The following BCL2L1 variants were observed in gnomAD, a reference collection of about 807,000 sequenced individuals.
The protein encoded by BCL2L1 is bcl-2-like protein 1.
In BCL2L1, 1 loss-of-function variant was observed where a neutral mutation model predicts 18.7. The ratio of observed to expected loss-of-function variants is 0.05; its 90% confidence interval spans 0.02 to 0.25. BCL2L1 has a LOEUF of 0.25. BCL2L1 is among the 10% of genes least tolerant of loss of function. The pLI is 1.00. For missense variants in BCL2L1, 207 were observed against 304.9 expected (o/e 0.68, Z 2.39); for synonymous variants, 103 against 122.7 (o/e 0.84, Z 1.06).
intron 2 of BCL2L1, among the ~76,000 whole-genome samples, chr20:31,678,150 A>G (rs2060794487): frequency 6.6e-6 from 1 of 152,186 alleles, no homozygotes; most frequent in African/African-American, 2.4e-5. Flanking sequence ...TGGGGTAGCA[A>G]TCTCCAAAAA....
intron 2 of BCL2L1, among the ~76,000 whole-genome samples, chr20:31,673,364 G>A (rs1455989606): frequency 2.0e-5 from 3 of 151,760 alleles, no homozygotes; most frequent in African/African-American, 4.8e-5. Flanking sequence ...ATGAGCCACC[G>A]CACCCAGCCC....
Position 31,712,703 on chromosome 20 carries a change from G to A in BCL2L1, c.564+8952C>T, listed in dbSNP as rs555217103. Among the ~76,000 whole-genome samples the A allele has an allele frequency of 5.3e-5, 8 of 152,264 alleles. No homozygotes were observed. In the East Asian group the frequency reaches 1.2e-3, roughly 22 times the overall value. On this transcript the variant is annotated intron_variant, in intron 2 of 2. Transcript: ENST00000307677. ...CCAGGAGGCCAGTCTCTAGGGAAGC[G>A]AGTCAGGCTCCTTGGAAGGGACACT...
At chr20:31,704,830 T>C (rs999125295) in intron 2 of BCL2L1, among the ~76,000 whole-genome samples, 4 of 152,230 alleles carry the variant, frequency 2.6e-5, no homozygotes, top group African/African-American at 7.2e-5. Context: ...AAAGCTAGCC[T>C]ACAGGAACTG....
intron 2 of BCL2L1, among the ~76,000 whole-genome samples, chr20:31,689,674 G>C (rs908976777): frequency 1.5e-5 from 2 of 132,222 alleles, no homozygotes; most frequent in African/African-American, 6.8e-5. Flanking sequence ...GAAAGTAGAT[G>C]GAGACTAAAT....
At chr20:31,697,843 A>C (rs554146798) in intron 2 of BCL2L1, among the ~76,000 whole-genome samples, 1 of 151,244 alleles carries the variant, frequency 6.6e-6, no homozygotes, top group South Asian at 2.1e-4. Flanking sequence ...GAGGTGCTAT[A>C]CTGATAAGTG....
intron 2 of BCL2L1, among the ~76,000 whole-genome samples, chr20:31,667,986 A>G (rs1394974958): frequency 6.6e-6 from 1 of 152,060 alleles, no homozygotes; most frequent in East Asian, 1.9e-4. Context: ...CACCTGAAAT[A>G]AAGTCCCCAC....
At chr20:31,676,307 A>G (rs2060760000) in intron 2 of BCL2L1, among the ~76,000 whole-genome samples, 1 of 152,182 alleles carries the variant, frequency 6.6e-6, no homozygotes, top group Non-Finnish European at 1.5e-5. Context: ...CACCGAGTAC[A>G]TGCTGTTATT....
intron 2 of BCL2L1, among the ~76,000 whole-genome samples, chr20:31,718,618 G>GCACTCCA (rs1439097155): frequency 6.7e-6 from 1 of 148,642 alleles, no homozygotes; most frequent in African/African-American, 2.5e-5. Context: ...TCGCGCCACT[G>GCACTCCA]CACTCCAGCC....
upstream of BCL2L1, chr20:31,723,768 C>A: frequency 1.0e-6 from 1 of 985,440 alleles, no homozygotes; most frequent in South Asian, 4.7e-5. Flanking sequence ...GGGCCACATC[C>A]CCCTTCATCG....
At chr20:31,707,292 G>A (rs1272474239) in intron 2 of BCL2L1, among the ~76,000 whole-genome samples, 1 of 152,178 alleles carries the variant, frequency 6.6e-6, no homozygotes, top group Non-Finnish European at 1.5e-5. Flanking sequence ...CACATATTCT[G>A]TCAGCCTGAA....
chr20:31,710,089 C>T lies in BCL2L1; in HGVS notation c.564+11566G>A, dbSNP rs201646120. ...AACATTGACTGAGTATATCAGACAC[C>T]GTGTGAGGTGGTCTACACAGTCACT... On this transcript the variant is annotated intron_variant, in intron 2 of 2. Coordinates refer to ENST00000307677, the MANE Select transcript of BCL2L1 (RefSeq NM_138578.3). Among the ~76,000 whole-genome samples the T allele has an allele frequency of 4.6e-5, 7 of 152,214 alleles. No homozygotes were observed. The East Asian group carries it at 1.2e-3, about 25-fold the overall frequency.
At chr20:31,666,485 C>T (rs2060590524) in intron 2 of BCL2L1, among the ~76,000 whole-genome samples, 1 of 152,054 alleles carries the variant, frequency 6.6e-6, no homozygotes, top group Non-Finnish European at 1.5e-5. Flanking sequence ...CATACGTGGC[C>T]TGGAAGCCGC....
At chr20:31,697,919 G>A (rs1230033217) in intron 2 of BCL2L1, among the ~76,000 whole-genome samples, 2 of 61,704 alleles carry the variant, frequency 3.2e-5, no homozygotes, top group Non-Finnish European at 5.9e-5. Flanking sequence ...ACGGAGTCTC[G>A]CTTTGTTGCC....
At chr20:31,710,743 C>T (rs2061442368) in intron 2 of BCL2L1, among the ~76,000 whole-genome samples, 1 of 152,234 alleles carries the variant, frequency 6.6e-6, no homozygotes, top group Non-Finnish European at 1.5e-5. Flanking sequence ...AGGTTTGGCA[C>T]AGTTTGCCTC....
chr20:31,717,580 G>C (rs2061557193), intron 2 of BCL2L1, among the ~76,000 whole-genome samples: 1 of 152,176 alleles, frequency 6.6e-6, no homozygotes, highest in South Asian at 2.1e-4. Context: ...TTAATTTTGG[G>C]ACCCGAATGA....
intron 2 of BCL2L1, among the ~76,000 whole-genome samples, chr20:31,694,203 T>C (rs1472381806): frequency 6.6e-6 from 1 of 152,070 alleles, no homozygotes; most frequent in Non-Finnish European, 1.5e-5. Context: ...GGTGACCTGA[T>C]ACATGTGAGA....
chr20:31,691,520 AAAAATAAAATAAAAT>A (rs143142638), intron 2 of BCL2L1, among the ~76,000 whole-genome samples: 60 of 144,654 alleles, frequency 4.1e-4, no homozygotes, highest in Admixed American at 9.6e-4. Context: ...TCTCAAAATA[AAAAATAAAATAAAAT>A]AAAATAAAAT....
intron 2 of BCL2L1, among the ~76,000 whole-genome samples, chr20:31,711,506 C>G (rs2061452682): frequency 3.3e-5 from 5 of 152,216 alleles, no homozygotes; most frequent in Admixed American, 2.6e-4. Flanking sequence ...AGTATGGAAA[C>G]AGACCATTGA....
intron 2 of BCL2L1, among the ~76,000 whole-genome samples, chr20:31,693,492 T>C (rs1157376770): frequency 6.6e-6 from 1 of 151,826 alleles, no homozygotes; most frequent in Admixed American, 6.6e-5. Context: ...GTAGCTGTGA[T>C]TGGGGAGGGG....
Sources: allele counts gnomAD v4.1 joint callset (sites outside exome capture counted in the v4.1 genomes callset), GRCh38; gene constraint gnomAD v4.1.1; transcripts MANE v1.5; gene names NCBI Gene and HGNC (gene_info 2026-07-23, HGNC 2026-07-21).